Variants in BASP1 observed in about 807,000 individuals in gnomAD.
BASP1 encodes the protein brain abundant membrane attached signal protein 1, also known as brain acid soluble protein 1.
Under a neutral mutation model 2.2 loss-of-function variants are expected in BASP1, and 1 was observed. The observed-to-expected ratio is 0.46, with a 90% CI of 0.16 to 2.17. BASP1 has a LOEUF of 2.17. Among genes scored for constraint, BASP1 ranks in the 30% most tolerant of loss-of-function variants. BASP1 has a pLI of 0.27. For missense variants in BASP1, 352 were observed against 327.2 expected (o/e 1.08, Z -0.58); for synonymous variants, 187 against 154.2 (o/e 1.21, Z -1.58).
At position 17,236,829 on chromosome 5, in the gene BASP1, ACTTTT is replaced by A. The variant is rs1240467016; in HGVS notation, c.-10+19023_-10+19027del. 2.0e-4 allele frequency among the ~76,000 whole-genome samples: 30 copies of A among 152,206 alleles called. No homozygotes were observed. The highest frequency in any genetic ancestry group is 2.2e-4 in the Non-Finnish European group (15 of 68,030). On this transcript the variant is annotated intron_variant, in intron 1 of 1. Coordinates refer to ENST00000322611, the MANE Select transcript of BASP1 (RefSeq NM_006317.5). The surrounding 1 kb of genome is among the most constrained non-coding windows in gnomAD (Gnocchi z 4.0). Reference sequence around the variant, plus strand: ...CTTAAGGGAAAAAAATGTTTTTAGTACTTTTCTTGGTATCTTCTAATCTTCAGAAA... The same window carrying A: ...CTTAAGGGAAAAAAATGTTTTTAGTACTTGGTATCTTCTAATCTTCAGAAA...
chr5:17,231,517 C>T (rs1001727524), intron 1 of BASP1, among the ~76,000 whole-genome samples: 2 of 152,132 alleles, frequency 1.3e-5, no homozygotes, highest in Middle Eastern at 3.2e-3. Context: ...CGTCTCTTAC[C>T]TCCGTTCCTA....
chr5:17,221,504 C>T (rs922082160), intron 1 of BASP1, among the ~76,000 whole-genome samples: 19 of 151,572 alleles, frequency 1.3e-4, no homozygotes, highest in Non-Finnish European at 2.5e-4. Context: ...TAGTTTGTAC[C>T]TACTTATTTC....
At chr5:17,225,782 A>G (rs1237365748) in intron 1 of BASP1, among the ~76,000 whole-genome samples, 1 of 152,164 alleles carries the variant, frequency 6.6e-6, no homozygotes, top group Non-Finnish European at 1.5e-5. Context: ...TTCTAGCGTT[A>G]TCTGGCTTAT....
chr5:17,268,072 AT>A (rs933354515), intron 1 of BASP1, among the ~76,000 whole-genome samples: 6 of 151,828 alleles, frequency 4.0e-5, no homozygotes, highest in African/African-American at 1.5e-4. Flanking sequence ...TCATAAAATT[AT>A]TTTTCCCCCT....
chr5:17,221,674 A>T (rs1465430815), intron 1 of BASP1, among the ~76,000 whole-genome samples: 1 of 152,196 alleles, frequency 6.6e-6, no homozygotes, highest in African/African-American at 2.4e-5. Flanking sequence ...AATTATATCT[A>T]ATCCTTTAAA....
At chr5:17,227,717 TC>T (rs1739545304) in intron 1 of BASP1, among the ~76,000 whole-genome samples, 1 of 152,196 alleles carries the variant, frequency 6.6e-6, no homozygotes, top group Non-Finnish European at 1.5e-5. Context: ...AACTCATTTT[TC>T]TAAGGAAGAA....
chr5:17,234,865 G>A (rs1345480528), intron 1 of BASP1, among the ~76,000 whole-genome samples: 3 of 152,196 alleles, frequency 2.0e-5, no homozygotes, highest in Admixed American at 6.5e-5. Flanking sequence ...ACTAAGCCAT[G>A]TGAGATATTC....
Position 17,251,411 on chromosome 5 carries a change from A to G in BASP1, c.-9-23797A>G, listed in dbSNP as rs1001397211. On this transcript the variant is annotated intron_variant, in intron 1 of 1. Coordinates refer to ENST00000322611, the MANE Select transcript of BASP1 (RefSeq NM_006317.5). This position sits in a 1 kb window ranked among gnomAD's most constrained non-coding sequence, Gnocchi z 4.0. ...TATCACATGTACCCCTAAAATATAT[A>G]AAATGATTTTACATCAATACAAAAC... 2.6e-5 allele frequency among the ~76,000 whole-genome samples: 4 copies of G among 152,238 alleles called. No homozygotes were observed. Among genetic ancestry groups the G allele is most frequent in the African/African-American group, 9.6e-5 (4 of 41,474 alleles).
intron 1 of BASP1, among the ~76,000 whole-genome samples, chr5:17,253,173 A>C (rs944362376): frequency 5.3e-5 from 8 of 152,204 alleles, no homozygotes; most frequent in Non-Finnish European, 7.3e-5. Context: ...TAGTTACTTT[A>C]AAAAGGACTT....
chr5:17,261,255 G>A (rs1413208316), intron 1 of BASP1, among the ~76,000 whole-genome samples: 2 of 152,168 alleles, frequency 1.3e-5, no homozygotes, highest in Middle Eastern at 3.2e-3. Flanking sequence ...CATTTATAAT[G>A]TAGCAAGCCT....
At chr5:17,245,973 G>GA (rs202080092) in intron 1 of BASP1, among the ~76,000 whole-genome samples, 138 of 150,046 alleles carry the variant, frequency 9.2e-4, no homozygotes, top group Non-Finnish European at 1.4e-3. Context: ...CGTGGATAGA[G>GA]AAAAAAAAAT....
chr5:17,226,851 AT>A (rs1739518315), intron 1 of BASP1, among the ~76,000 whole-genome samples: 1 of 152,118 alleles, frequency 6.6e-6, no homozygotes, highest in South Asian at 2.1e-4. Context: ...AGGTTAGATG[AT>A]CACCTGGGTA....
chr5:17,221,409 A>C (rs1365343829), intron 1 of BASP1, among the ~76,000 whole-genome samples: 1 of 149,918 alleles, frequency 6.7e-6, no homozygotes, highest in African/African-American at 2.5e-5. Context: ...AGACCTGTGA[A>C]CTATTATTTG....
chr5:17,275,292 G>T lies in BASP1; in HGVS notation c.76G>T (p.Ala26Ser). ...DEKAKEKDKK[A>S]EGAATEEEGT... is the part of the protein sequence containing the mutation. The stretch of plus-strand genomic sequence containing the variant: ...GAAAGCCAAGGAGAAAGACAAGAAG[G>T]CCGAGGGCGCGGCGACGGAAGAGGA... The change falls in exon 2 of 2, where the codon GCC (alanine) becomes TCC (serine). Residue 26 changes from alanine to serine, a missense_variant. Coordinates refer to ENST00000322611, the MANE Select transcript of BASP1 (RefSeq NM_006317.5). This position sits in a 1 kb window ranked among gnomAD's most constrained non-coding sequence, Gnocchi z 5.3. 1.2e-6 allele frequency: 2 copies of T among 1,613,978 alleles called. No individual in the cohort carries two copies. Among genetic ancestry groups the T allele is most frequent in the Non-Finnish European group, 1.7e-6 (2 of 1,179,990 alleles).
chr5:17,243,500 A>G (rs774242647), intron 1 of BASP1, among the ~76,000 whole-genome samples: 3 of 152,058 alleles, frequency 2.0e-5, no homozygotes, highest in Non-Finnish European at 4.4e-5. Flanking sequence ...ACTTGACACT[A>G]TTGATGTCTG....
intron 1 of BASP1, among the ~76,000 whole-genome samples, chr5:17,218,321 A>G (rs772262847): frequency 9.8e-4 from 149 of 151,622 alleles, no homozygotes; most frequent in Non-Finnish European, 1.8e-3. Flanking sequence ...AAGATGGGGA[A>G]TCTGGCCCGA....
intron 1 of BASP1, among the ~76,000 whole-genome samples, chr5:17,245,656 T>C (rs1182959039): frequency 2.0e-5 from 3 of 152,008 alleles, no homozygotes; most frequent in Non-Finnish European, 4.4e-5. Flanking sequence ...TTTTTTTTTT[T>C]CTCTAGGCAG....
intron 1 of BASP1, among the ~76,000 whole-genome samples, chr5:17,229,031 CT>C: frequency 6.6e-6 from 1 of 152,008 alleles, no homozygotes; most frequent in East Asian, 1.9e-4. Context: ...AAAAACAAAA[CT>C]CTTAGGATAT....
At chr5:17,267,519 CT>C (rs530466809) in intron 1 of BASP1, among the ~76,000 whole-genome samples, 2,981 of 144,260 alleles carry the variant, frequency 0.021, 23 homozygotes, top group Non-Finnish European at 0.029. Context: ...TTTTTTTTTG[CT>C]TTTTTTTTTT....
Sources: allele counts gnomAD v4.1 joint callset (sites outside exome capture counted in the v4.1 genomes callset), GRCh38; gene constraint gnomAD v4.1.1; non-coding constraint Gnocchi (gnomAD v3.1); transcripts MANE v1.5; gene names NCBI Gene and HGNC (gene_info 2026-07-23, HGNC 2026-07-21).